RALGAPA2: variants seen among roughly 807,000 people sequenced by gnomAD.
RALGAPA2 encodes Ral GTPase activating protein catalytic subunit alpha 2, also known as ral GTPase-activating protein subunit alpha-2.
Under a neutral mutation model 230.4 loss-of-function variants are expected in RALGAPA2, and 139 were observed. The ratio of observed to expected loss-of-function variants is 0.60; its 90% CI spans 0.53 to 0.69. RALGAPA2 has a LOEUF of 0.69. RALGAPA2 is among the 30% of genes least tolerant of loss of function. The probability of loss-of-function intolerance (pLI) is 0.00; values close to 1 mark genes in which losing one functional copy is unlikely to be tolerated. For missense variants in RALGAPA2, 2,163 were observed against 2,276.0 expected (o/e 0.95, Z 1.01); for synonymous variants, 847 against 837.8 (o/e 1.01, Z -0.19).
chr20:20,629,479 T>G lies in RALGAPA2; in HGVS notation c.1117A>C (p.Ser373Arg). 6.2e-7 allele frequency: 1 copy of G among 1,613,998 alleles called. No homozygotes were observed. The highest frequency in any genetic ancestry group is 8.5e-7 in the Non-Finnish European group (1 of 1,179,898). ...NSSTLSDRRL[S>R]NSSLCSIEEE... ...TCAATGCTACAGAGGCTGGAGTTGCTGAGTCTTCGGTCCGACAAGGTGCTG... is the reference window on the plus strand; with the variant it reads ...TCAATGCTACAGAGGCTGGAGTTGCGGAGTCTTCGGTCCGACAAGGTGCTG... Residue 373 changes from serine (S) to arginine (R), a missense_variant, in exon 10 of 40, where the codon AGC becomes CGC. Transcript: ENST00000202677.
intron 16 of RALGAPA2, among the ~76,000 whole-genome samples, chr20:20,595,365 T>A (rs556825889): frequency 2.6e-5 from 4 of 152,286 alleles, no homozygotes; most frequent in Admixed American, 6.5e-5. Context: ...TCTGATCCTA[T>A]AAAAAGCATA....
intron 37 of RALGAPA2, among the ~76,000 whole-genome samples, chr20:20,460,173 G>T (rs1415607951): frequency 6.6e-6 from 1 of 152,118 alleles, no homozygotes; most frequent in African/African-American, 2.4e-5. Context: ...AACGAGCGAG[G>T]GGCCAGGCCC....
At chr20:20,657,325 T>C (rs1427260600) in intron 3 of RALGAPA2, among the ~76,000 whole-genome samples, 1 of 152,164 alleles carries the variant, frequency 6.6e-6, no homozygotes, top group Non-Finnish European at 1.5e-5. Flanking sequence ...AGTTACTGGC[T>C]TGGGGCCATG....
intron 12 of RALGAPA2, among the ~76,000 whole-genome samples, chr20:20,618,974 AGAT>A (rs1309515281): frequency 6.6e-6 from 1 of 152,264 alleles, no homozygotes; most frequent in Non-Finnish European, 1.5e-5. Flanking sequence ...AGTGTTTGGA[AGAT>A]AATTTAAAGA....
At chr20:20,492,614 G>T (rs1231080977) in intron 36 of RALGAPA2, among the ~76,000 whole-genome samples, 1 of 152,140 alleles carries the variant, frequency 6.6e-6, no homozygotes, top group Non-Finnish European at 1.5e-5. Context: ...ATCTAACGAG[G>T]CGTCTGTGTC....
chr20:20,657,306 G>T (rs1373394982), intron 3 of RALGAPA2, among the ~76,000 whole-genome samples: 1 of 152,190 alleles, frequency 6.6e-6, no homozygotes, highest in Non-Finnish European at 1.5e-5. Flanking sequence ...TTGTACTACT[G>T]CCTCTGGCAG....
intron 16 of RALGAPA2, among the ~76,000 whole-genome samples, chr20:20,599,642 G>A (rs938248763): frequency 5.3e-5 from 8 of 152,018 alleles, no homozygotes; most frequent in Admixed American, 6.5e-5. Context: ...TGCAAAAACC[G>A]GAACAAACTT....
chr20:20,422,467 A>G (rs1209454529), intron 37 of RALGAPA2, among the ~76,000 whole-genome samples: 1 of 151,984 alleles, frequency 6.6e-6, no homozygotes, highest in Non-Finnish European at 1.5e-5. Context: ...GCTGGTCAGG[A>G]GGCTGAGGTG....
intron 37 of RALGAPA2, among the ~76,000 whole-genome samples, chr20:20,464,011 G>A (rs138281878): frequency 1.2e-4 from 18 of 152,240 alleles, no homozygotes; most frequent in Non-Finnish European, 1.5e-4. Flanking sequence ...GGCCCAGCAG[G>A]CTTCTGGTCC....
intron 29 of RALGAPA2, 108 bp downstream of exon 29, chr20:20,524,722 T>C: frequency 7.7e-7 from 1 of 1,291,766 alleles, no homozygotes; most frequent in Non-Finnish European, 1.1e-6. Flanking sequence ...TTAAGGCCAA[T>C]AGAGAAGGAT....
chr20:20,481,910 G>A lies in RALGAPA2; in HGVS notation c.5368-8954C>T, dbSNP rs555997113. 4.6e-5 allele frequency among the ~76,000 whole-genome samples: 7 copies of A among 152,208 alleles called. No individual in the cohort carries two copies. The East Asian group carries it at 7.7e-4, about 17-fold the overall frequency. On this transcript the variant is annotated intron_variant, in intron 36 of 39. Transcript: ENST00000202677. ...AAGGTTCAAATGCCCTACCAACCCCGAAAGCGTGTTGCAAATAGTACTGTC... is the reference window on the plus strand; with the variant it reads ...AAGGTTCAAATGCCCTACCAACCCCAAAAGCGTGTTGCAAATAGTACTGTC...
chr20:20,657,922 C>CT (rs1263521383), intron 3 of RALGAPA2, among the ~76,000 whole-genome samples: 1 of 152,182 alleles, frequency 6.6e-6, no homozygotes, highest in Non-Finnish European at 1.5e-5. Flanking sequence ...GAAAATCATG[C>CT]TTTTTAGTTT....
intron 3 of RALGAPA2, among the ~76,000 whole-genome samples, chr20:20,660,523 T>G (rs1297535082): frequency 7.4e-6 from 1 of 134,524 alleles, no homozygotes. Context: ...TACAGGCCTG[T>G]TTTTTTTTTT....
chr20:20,620,924 T>C (rs1159714204), intron 10 of RALGAPA2, among the ~76,000 whole-genome samples: 5 of 152,108 alleles, frequency 3.3e-5, no homozygotes, highest in East Asian at 3.9e-4. Context: ...AGGCGGATCA[T>C]GAGGTCAGGA....
Position 20,505,462 on chromosome 20 carries a change from A to C in RALGAPA2, c.5001T>G (p.Asn1667Lys), listed in dbSNP as rs1602577392. Residue 1667 changes from asparagine to lysine, a missense_variant, in exon 34 of 40, where the codon AAT becomes AAG. Asn to Lys is a moderately conservative substitution (Grantham distance 94). Transcript: ENST00000202677. ...GQEDKCSILS[N>K]ERGSQAYEDF... ...CTTCATATGCTTGGCTTCCTCTTTC[A>C]TTAGAGAGGATTGAACACTTGTCTT... 1 of 1,603,332 alleles carries C rather than the reference A, an allele frequency of 6.2e-7. No individual in the cohort carries two copies. The highest frequency in any genetic ancestry group is 8.5e-7 in the Non-Finnish European group (1 of 1,174,094).
chr20:20,654,982 T>G (rs2067537578), intron 3 of RALGAPA2, among the ~76,000 whole-genome samples: 1 of 152,222 alleles, frequency 6.6e-6, no homozygotes, highest in Admixed American at 6.5e-5. Context: ...AATTTGCATT[T>G]TCCTGATGAT....
chr20:20,543,384 A>G (rs1035527983), intron 24 of RALGAPA2, among the ~76,000 whole-genome samples: 32 of 152,198 alleles, frequency 2.1e-4, no homozygotes, highest in Non-Finnish European at 7.3e-5. Flanking sequence ...CACTGGGTAT[A>G]TACCCAAAGG....
intron 16 of RALGAPA2, among the ~76,000 whole-genome samples, chr20:20,600,296 A>C (rs1039759782): frequency 4.6e-5 from 7 of 152,224 alleles, no homozygotes; most frequent in African/African-American, 1.7e-4. Context: ...ACTCCGACTC[A>C]AAAAACAAAA....
chr20:20,534,055 CA>C (rs1417404001), intron 26 of RALGAPA2, among the ~76,000 whole-genome samples: 1 of 152,042 alleles, frequency 6.6e-6, no homozygotes, highest in Admixed American at 6.5e-5. Flanking sequence ...ATAAAATTGA[CA>C]AATTTTTGGC....
Sources: allele counts gnomAD v4.1 joint callset (sites outside exome capture counted in the v4.1 genomes callset), GRCh38; gene constraint gnomAD v4.1.1; transcripts MANE v1.5; gene names NCBI Gene and HGNC (gene_info 2026-07-23, HGNC 2026-07-21).